The following AFF4 variants were observed in gnomAD, a reference collection of about 807,000 sequenced individuals.
The protein encoded by AFF4 is AF4/FMR2 family member 4.
In AFF4, 13 loss-of-function variants were observed where a neutral mutation model predicts 124.8. The ratio of observed to expected loss-of-function variants is 0.10; its 90% CI spans 0.07 to 0.17. The LOEUF is 0.17. AFF4 is among the 10% of genes least tolerant of loss of function. AFF4 has a pLI of 1.00. For synonymous variants in AFF4, 477 were observed against 496.1 expected, an observed-to-expected ratio of 0.96 and a Z score of 0.51; for missense variants, 1,092 against 1,403.8, an observed-to-expected ratio of 0.78 and a Z score of 3.55.
chr5:132,925,780 G>A lies in AFF4; in HGVS notation c.1050+1341C>T, dbSNP rs77095827. ...GTGGTGTGCATGTGTGAAACAACAG[G>A]TAATACAAGTGGGAATACTGGCTGG... On this transcript the variant is annotated intron_variant, in intron 5 of 20. Coordinates refer to ENST00000265343, the MANE Select transcript of AFF4 (RefSeq NM_014423.4). 8.6e-3 allele frequency among the ~76,000 whole-genome samples: 1,307 copies of A among 152,310 alleles called. 12 individuals carry two copies. Among genetic ancestry groups the A allele is most frequent in the African/African-American group, 0.027 (1,105 of 41,562 alleles).
chr5:132,920,989 T>C (rs1335410270), intron 5 of AFF4, among the ~76,000 whole-genome samples: 1 of 151,736 alleles, frequency 6.6e-6, no homozygotes, highest in African/African-American at 2.4e-5. Context: ...TAGTCAGGCA[T>C]GGTGGCAGGC....
intron 1 of AFF4, among the ~76,000 whole-genome samples, chr5:132,940,845 G>A (rs745900256): frequency 3.9e-5 from 6 of 151,944 alleles, no homozygotes; most frequent in Admixed American, 1.3e-4. Flanking sequence ...TGGCCAACAC[G>A]GTGAAACCCC....
At chr5:132,942,589 C>G (rs914393991) in intron 1 of AFF4, among the ~76,000 whole-genome samples, 2 of 151,984 alleles carry the variant, frequency 1.3e-5, no homozygotes, top group Non-Finnish European at 2.9e-5. Context: ...CTCAACCTCC[C>G]GAGTAGCTGG....
chr5:132,958,434 CCAGCCTGGATGA>C (rs1459532503), intron 1 of AFF4, among the ~76,000 whole-genome samples: 1 of 137,560 alleles, frequency 7.3e-6, no homozygotes, highest in African/African-American at 2.9e-5. Context: ...TCACTGCACT[CCAGCCTGGATGA>C]CAGAGTGAGA....
Position 132,892,160 on chromosome 5 carries a change from T to C in AFF4, c.2637+4A>G. 4.3e-6 allele frequency: 7 copies of C among 1,614,152 alleles called. No homozygotes were observed. Among genetic ancestry groups the C allele is most frequent in the Non-Finnish European group, 5.9e-6 (7 of 1,180,008 alleles). On this transcript the variant is annotated splice_donor_region_variant and intron_variant, in intron 13 of 20. Transcript: ENST00000265343. Reference sequence around the variant, plus strand: ...TCAAAAGCCCCAGGCCCCCAACACTTTACCTTAACCTCCTTGGAGCTACTG... The same window carrying C: ...TCAAAAGCCCCAGGCCCCCAACACTCTACCTTAACCTCCTTGGAGCTACTG...
At chr5:132,910,351 A>C (rs983577509) in intron 5 of AFF4, among the ~76,000 whole-genome samples, 2 of 152,194 alleles carry the variant, frequency 1.3e-5, no homozygotes, top group Non-Finnish European at 2.9e-5. Context: ...AGACTCGTCA[A>C]TGGTGTGAAG....
chr5:132,884,473 C>T (rs553312653), intron 19 of AFF4, among the ~76,000 whole-genome samples: 1 of 152,148 alleles, frequency 6.6e-6, no homozygotes, highest in Non-Finnish European at 1.5e-5. Flanking sequence ...AACTCCTGAC[C>T]TTGTGATCTG....
intron 5 of AFF4, 116 bp downstream of exon 5, chr5:132,927,005 T>C (rs561102590): frequency 8.4e-5 from 65 of 772,736 alleles, no homozygotes; most frequent in Non-Finnish European, 1.3e-4. Flanking sequence ...TATTCACTTA[T>C]TTACTGTCTG....
At chr5:132,944,315 C>G (rs1475307826) in intron 1 of AFF4, among the ~76,000 whole-genome samples, 1 of 127,288 alleles carries the variant, frequency 7.9e-6, no homozygotes. Flanking sequence ...CCAGCCTGGG[C>G]GACAGCGCGA....
At chr5:132,914,420 G>T (rs1760862095) in intron 5 of AFF4, among the ~76,000 whole-genome samples, 1 of 151,784 alleles carries the variant, frequency 6.6e-6, no homozygotes, top group Non-Finnish European at 1.5e-5. Flanking sequence ...GACCAACATG[G>T]TGAAACCCCG....
chr5:132,908,794 G>A (rs1476337923), intron 5 of AFF4, among the ~76,000 whole-genome samples: 4 of 130,560 alleles, frequency 3.1e-5, no homozygotes, highest in Non-Finnish European at 6.2e-5. Flanking sequence ...TTTTTGAGAC[G>A]GAATCTAGCT....
chr5:132,899,706 A>C, intron 7 of AFF4, 65 bp from the exon 8 acceptor site: 2 of 1,392,698 alleles, frequency 1.4e-6, no homozygotes, highest in Non-Finnish European at 2.0e-6. Flanking sequence ...AGAGTACTAA[A>C]TATCTACTAA....
chr5:132,955,724 GCCAAGAT>G (rs1761938756), intron 1 of AFF4, among the ~76,000 whole-genome samples: 1 of 138,940 alleles, frequency 7.2e-6, no homozygotes, highest in South Asian at 2.2e-4. Flanking sequence ...GTTGCAGTGA[GCCAAGAT>G]CATGCCACTG....
At chr5:132,885,494 G>A (rs1249766895) in intron 18 of AFF4, among the ~76,000 whole-genome samples, 2 of 151,072 alleles carry the variant, frequency 1.3e-5, no homozygotes, top group East Asian at 1.9e-4. Context: ...GGTGGGGAGA[G>A]GGGAGAGATG....
intron 1 of AFF4, among the ~76,000 whole-genome samples, chr5:132,961,549 G>A (rs959398581): frequency 2.0e-5 from 3 of 152,076 alleles, no homozygotes; most frequent in Non-Finnish European, 2.9e-5. Flanking sequence ...TACAAAAAGG[G>A]TACAATAACT....
intron 19 of AFF4, among the ~76,000 whole-genome samples, chr5:132,884,830 G>C (rs1354238126): frequency 6.6e-6 from 1 of 152,126 alleles, no homozygotes; most frequent in African/African-American, 2.4e-5. Context: ...GAAAAGGGTT[G>C]AGTGCTAGTA....
intron 1 of AFF4, among the ~76,000 whole-genome samples, chr5:132,945,612 CATG>C (rs1245215658): frequency 1.3e-5 from 2 of 152,046 alleles, no homozygotes; most frequent in Non-Finnish European, 2.9e-5. Context: ...ATTAGCTGGG[CATG>C]GTGGTGGGCA....
chr5:132,892,487 C>T, intron 12 of AFF4, 83 bp from the exon 13 acceptor site: 1 of 1,503,956 alleles, frequency 6.6e-7, no homozygotes, highest in Non-Finnish European at 8.9e-7. Flanking sequence ...TGTCTGCTTT[C>T]AAGACAAATC....
Position 132,934,528 on chromosome 5 carries a change from G to T in AFF4, c.537C>A (p.Ser179=). The T allele has an allele frequency of 6.2e-7, 1 of 1,614,106 alleles. No individual in the cohort carries two copies. Among genetic ancestry groups the T allele is most frequent in the Non-Finnish European group, 8.5e-7 (1 of 1,180,012 alleles). ...AAACAGCCTGGGGTTTTCCAGGGCT[G>T]GAAGAACGTGATTTGGAGTGTTCTG... The part of the protein sequence containing the change: ...HGSEHSKSRS[S]SPGKPQAVSS... The change falls in exon 3 of 21, where the codon TCC becomes TCA. Residue 179 remains serine (S), a synonymous_variant. Transcript: ENST00000265343.
Sources: allele counts gnomAD v4.1 joint callset (sites outside exome capture counted in the v4.1 genomes callset), GRCh38; gene constraint gnomAD v4.1.1; transcripts MANE v1.5; gene names NCBI Gene and HGNC (gene_info 2026-07-23, HGNC 2026-07-21).